Variants in SLC35A3 observed in about 807,000 individuals in gnomAD.
SLC35A3 encodes the protein solute carrier family 35 member A3.
SLC35A3 carries 26 observed loss-of-function variants against 39.0 expected under a neutral mutation model. That is an observed-to-expected ratio of 0.67 (90% CI 0.49 to 0.92). The LOEUF is 0.92. Among genes scored for constraint, SLC35A3 ranks in the 40% least tolerant of loss-of-function variants. The probability of loss-of-function intolerance (pLI) is 0.00; values close to 1 mark genes in which losing one functional copy is unlikely to be tolerated. For synonymous variants in SLC35A3, 135 were observed against 133.1 expected, an observed-to-expected ratio of 1.01 and a Z score of -0.10; for missense variants, 299 against 371.6, an observed-to-expected ratio of 0.80 and a Z score of 1.61.
Position 100,029,447 on chromosome 1 carries a change from T to C in SLC35A3, c.*6971T>C. The C allele has an allele frequency of 6.8e-6, 1 of 147,334 alleles. No homozygotes were observed. Among genetic ancestry groups the C allele is most frequent in the Admixed American group, 6.8e-5 (1 of 14,702 alleles). The allele number at this position is 147,334 out of a possible 1,614,324, so 9.1% of individuals were successfully genotyped here. A position where few individuals can be genotyped will look rare whatever the true frequency, so the allele number is the denominator to read the frequency against. Reference sequence around the variant, plus strand: ...TTTAATTTTTTTTTTTTTTTTTTTTTTGAGATGGAGTCTCGCTCTGTCACT... The same window carrying C: ...TTTAATTTTTTTTTTTTTTTTTTTTCTGAGATGGAGTCTCGCTCTGTCACT... On this transcript the variant is annotated 3_prime_UTR_variant, in exon 8 of 8. Transcript: ENST00000533028.
At chr1:99,998,544 T>C (rs969718813) in intron 2 of SLC35A3, among the ~76,000 whole-genome samples, 3 of 152,174 alleles carry the variant, frequency 2.0e-5, no homozygotes, top group African/African-American at 7.2e-5. Flanking sequence ...CCCAGGGACT[T>C]TTCCCTTCCT....
chr1:99,990,155 C>T (rs557248949), intron 1 of SLC35A3, among the ~76,000 whole-genome samples: 29 of 152,086 alleles, frequency 1.9e-4, no homozygotes, highest in Non-Finnish European at 3.7e-4. Flanking sequence ...TACATGATTA[C>T]AGTTTTTTTC....
rs1661283449 is a variant in SLC35A3, at chr1:100,032,312, G to T, written c.*9836G>T. On this transcript the variant is annotated 3_prime_UTR_variant, in exon 8 of 8. Transcript: ENST00000533028. Reference sequence around the variant, plus strand: ...ATTTATTACACTGGGGTGCAAAATGGTGATAAATTTTTTTTAGTGCTCTAA... The same window carrying T: ...ATTTATTACACTGGGGTGCAAAATGTTGATAAATTTTTTTTAGTGCTCTAA... 6.6e-6 allele frequency: 1 copy of T among 151,792 alleles called. No individual in the cohort carries two copies. Among genetic ancestry groups the T allele is most frequent in the African/African-American group, 2.4e-5 (1 of 41,256 alleles). The allele number at this position is 151,792 out of a possible 1,614,324, so 9.4% of individuals were successfully genotyped here.
chr1:99,974,077 A>C (rs1656971609), intron 1 of SLC35A3, among the ~76,000 whole-genome samples: 1 of 152,136 alleles, frequency 6.6e-6, no homozygotes, highest in South Asian at 2.1e-4. Context: ...ATGCTAAGAA[A>C]CAAGCTCATT....
At chr1:99,999,588 G>A (rs566687593) in intron 3 of SLC35A3, among the ~76,000 whole-genome samples, 173 bp downstream of exon 3, 1 of 152,032 alleles carries the variant, frequency 6.6e-6, no homozygotes, top group East Asian at 1.9e-4. Flanking sequence ...CTTTGTGTTG[G>A]GGACATTTCA....
chr1:99,972,845 C>A (rs1439002956), intron 1 of SLC35A3, among the ~76,000 whole-genome samples: 1 of 152,100 alleles, frequency 6.6e-6, no homozygotes, highest in East Asian at 1.9e-4. Flanking sequence ...CTCATTTGAT[C>A]CTAGTAATAA....
rs1661018672 is a variant in SLC35A3, at chr1:100,028,193, C to T, written c.*5717C>T. 6.6e-6 allele frequency: 1 copy of T among 152,374 alleles called. No homozygotes were observed. The highest frequency in any genetic ancestry group is 2.4e-5 in the African/African-American group (1 of 41,438). 9.4% of individuals were successfully genotyped at this position (152,374 alleles called of 1,614,324 possible). The stretch of plus-strand genomic sequence containing the variant: ...ACCTCAGGTGATCCGCCTGCCTCGG[C>T]CTCCCAAAGTGCTGGGTTTACAGGC... On this transcript the variant is annotated 3_prime_UTR_variant, in exon 8 of 8. Coordinates refer to ENST00000533028, the MANE Select transcript of SLC35A3 (RefSeq NM_012243.3).
At chr1:100,016,253 C>T (rs1660102764) in intron 6 of SLC35A3, among the ~76,000 whole-genome samples, 1 of 151,032 alleles carries the variant, frequency 6.6e-6, no homozygotes, top group African/African-American at 2.4e-5. Context: ...TTAGTAGAGA[C>T]GGGGGTTTCA....
At chr1:100,000,859 T>A (rs1658736923) in intron 3 of SLC35A3, 1 of 151,636 alleles carries the variant, frequency 6.6e-6, no homozygotes, top group Non-Finnish European at 1.5e-5. Flanking sequence ...TGTTTACATC[T>A]TTAATCCATT....
At position 99,999,348 on chromosome 1, in the gene SLC35A3, G is replaced by T; in HGVS notation, c.275G>T (p.Gly92Val). ...METLKLAIPS[G>V]IYTLQNNLLY... ...ACACTTAAACTTGCTATTCCATCAG[G>T]GATCTATACTCTTCAGAATAATTTA... The change falls in exon 3 of 8, where the codon GGG (glycine) becomes GTG (valine). Residue 92 changes from glycine to valine, a missense_variant. Transcript: ENST00000533028. 1 of 1,598,128 alleles carries T rather than the reference G, an allele frequency of 6.3e-7. No homozygotes were observed. The highest frequency in any genetic ancestry group is 8.5e-7 in the Non-Finnish European group (1 of 1,171,474).
At chr1:99,972,653 T>G (rs926872284) in intron 1 of SLC35A3, among the ~76,000 whole-genome samples, 8 of 152,162 alleles carry the variant, frequency 5.3e-5, no homozygotes, top group African/African-American at 1.9e-4. Flanking sequence ...ACTACATTTT[T>G]AAAGCACTTT....
In SLC35A3 at chr1:100,027,403, G is replaced by A; in HGVS notation, c.*4927G>A. ...GCAATTTGATGCTGCAGTAAACCAT[G>A]ATGACACTACTGGACTCTAGCCTGA... On this transcript the variant is annotated 3_prime_UTR_variant, in exon 8 of 8. Transcript: ENST00000533028. 2 of 383,788 alleles carry A rather than the reference G, an allele frequency of 5.2e-6. No homozygotes were observed. Among genetic ancestry groups the A allele is most frequent in the Non-Finnish European group, 9.2e-6 (2 of 217,338 alleles). The allele number at this position is 383,788 out of a possible 1,614,324, so 23.8% of individuals were successfully genotyped here.
chr1:99,988,019 A>G (rs1657845821), intron 1 of SLC35A3, among the ~76,000 whole-genome samples: 1 of 152,220 alleles, frequency 6.6e-6, no homozygotes, highest in African/African-American at 2.4e-5. Context: ...ACATACAATA[A>G]AATGTACCCA....
At chr1:100,020,334 A>G (rs1033776109) in intron 7 of SLC35A3, among the ~76,000 whole-genome samples, 26 of 152,296 alleles carry the variant, frequency 1.7e-4, no homozygotes, top group Admixed American at 1.4e-3. Context: ...CCTGCAGTGG[A>G]TACAAAGGTA....
chr1:100,005,013 A>C lies in SLC35A3; in HGVS notation c.343-2021A>C. Among the ~76,000 whole-genome samples the C allele has an allele frequency of 2.0e-5, 3 of 152,260 alleles. No individual in the cohort carries two copies. In the East Asian group the frequency reaches 5.8e-4, roughly 29 times the overall value. Reference sequence around the variant, plus strand: ...CTCAAGTGATCTGCCCACCTCGGCCACCCAAAATGCTGGGATTACAGGCAT... The same window carrying C: ...CTCAAGTGATCTGCCCACCTCGGCCCCCCAAAATGCTGGGATTACAGGCAT... On this transcript the variant is annotated intron_variant, in intron 3 of 7. Transcript: ENST00000533028.
intron 2 of SLC35A3, among the ~76,000 whole-genome samples, chr1:99,995,108 C>T (rs548604552): frequency 2.6e-5 from 1 of 37,804 alleles, no homozygotes; most frequent in African/African-American, 9.1e-5. Flanking sequence ...TGTGTATTTT[C>T]TTTCTTTCTT....
intron 2 of SLC35A3, among the ~76,000 whole-genome samples, chr1:99,997,101 A>C (rs1157928545): frequency 6.6e-6 from 1 of 151,914 alleles, no homozygotes; most frequent in Non-Finnish European, 1.5e-5. Context: ...TAACCATAAG[A>C]TTGGCCAGCT....
rs1226959132 is a variant in SLC35A3 at position 100,024,550 on chromosome 1, CAAA to C, written c.*2086_*2088del. 1.5e-4 allele frequency: 13 copies of C among 88,582 alleles called. No homozygotes were observed. Among genetic ancestry groups the C allele is most frequent in the Non-Finnish European group, 2.1e-4 (10 of 46,918 alleles). The allele number at this position is 88,582 out of a possible 1,614,324, so 5.5% of individuals were successfully genotyped here. On this transcript the variant is annotated 3_prime_UTR_variant, in exon 8 of 8. Transcript: ENST00000533028. ...TGGGTGACAGAGCGAGACTCCGTCT[CAAA>C]AAAAAAAAAAAGAAAACACACACAC... is the stretch of plus-strand genomic sequence containing the variant.
intron 4 of SLC35A3, among the ~76,000 whole-genome samples, chr1:100,011,132 G>T (rs1470232778): frequency 6.6e-6 from 1 of 152,114 alleles, no homozygotes; most frequent in Non-Finnish European, 1.5e-5. Flanking sequence ...TAGATGAAAT[G>T]TAAAATATTT....
Sources: allele counts gnomAD v4.1 joint callset (sites outside exome capture counted in the v4.1 genomes callset), GRCh38; gene constraint gnomAD v4.1.1; transcripts MANE v1.5; gene names NCBI Gene and HGNC (gene_info 2026-07-23, HGNC 2026-07-21).